TUSC3: variants seen among roughly 807,000 people sequenced by gnomAD.
The protein encoded by TUSC3 is dolichyl-diphosphooligosaccharide--protein glycosyltransferase subunit TUSC3.
Under a neutral mutation model 44.8 loss-of-function variants are expected in TUSC3, and 45 were observed. That is an observed-to-expected ratio of 1.00 (90% confidence interval 0.79 to 1.29). The LOEUF is 1.29. TUSC3 is among the 50% of genes most tolerant of loss of function. The pLI is 0.00. For missense variants in TUSC3, 519 were observed against 437.9 expected (o/e 1.19, Z -1.65); for synonymous variants, 212 against 152.9 (o/e 1.39, Z -2.85).
At chr8:15,744,187 C>A (rs961957553) in intron 8 of TUSC3, among the ~76,000 whole-genome samples, 1 of 152,086 alleles carries the variant, frequency 6.6e-6, no homozygotes, top group Non-Finnish European at 1.5e-5. Flanking sequence ...TCAAGTTCTC[C>A]GGCATTATGT....
upstream of TUSC3, chr8:15,540,167 G>A (rs535873853): frequency 2.4e-6 from 1 of 421,906 alleles, no homozygotes. Context: ...GGGAGCGCAC[G>A]CCGCGCCCCC....
chr8:15,568,437 T>G (rs1802753138), intron 1 of TUSC3, among the ~76,000 whole-genome samples: 1 of 152,128 alleles, frequency 6.6e-6, no homozygotes. Context: ...CAAATTTATC[T>G]TCATACCTTA....
At chr8:15,522,541 C>CTT (rs78939124) in intron 2 of TUSC3, among the ~76,000 whole-genome samples, 3 of 141,436 alleles carry the variant, frequency 2.1e-5, no homozygotes, top group Non-Finnish European at 3.1e-5. Flanking sequence ...CCTATTCAGC[C>CTT]TTTTTTTTTT....
At chr8:15,754,973 T>C in intron 9 of TUSC3, among the ~76,000 whole-genome samples, 1 of 152,224 alleles carries the variant, frequency 6.6e-6, no homozygotes, top group African/African-American at 2.4e-5. Context: ...ACTTTCAAAA[T>C]TGTTGTTTTC....
intron 1 of TUSC3, among the ~76,000 whole-genome samples, chr8:15,424,450 A>C (rs1799779634): frequency 6.6e-6 from 1 of 152,174 alleles, no homozygotes. Flanking sequence ...ACTGACTAAT[A>C]ACTCACAAAA....
intron 1 of TUSC3, among the ~76,000 whole-genome samples, chr8:15,582,731 C>A (rs370467863): frequency 6.6e-6 from 1 of 152,162 alleles, no homozygotes; most frequent in Non-Finnish European, 1.5e-5. Context: ...TAACCTGAAA[C>A]CAGTTTTATC....
chr8:15,793,328 G>C, the TUSC3 span, among the ~76,000 whole-genome samples: 2 of 152,068 alleles, frequency 1.3e-5, no homozygotes, highest in African/African-American at 4.8e-5. Context: ...CTCAGTATTT[G>C]CATGACCTTA....
intron 8 of TUSC3, among the ~76,000 whole-genome samples, chr8:15,745,689 A>G (rs186173110): frequency 6.7e-6 from 1 of 149,554 alleles, no homozygotes; most frequent in East Asian, 2.0e-4. Context: ...GATTCTGGAT[A>G]CTAGATGTTT....
intron 2 of TUSC3, among the ~76,000 whole-genome samples, chr8:15,647,872 C>G (rs1194350305): frequency 6.6e-6 from 1 of 152,060 alleles, no homozygotes; most frequent in African/African-American, 2.4e-5. Context: ...TCAGTCCATT[C>G]CCAATCTCAT....
chr8:15,469,607 C>G (rs1460900326), intron 1 of TUSC3, among the ~76,000 whole-genome samples: 1 of 152,172 alleles, frequency 6.6e-6, no homozygotes, highest in Non-Finnish European at 1.5e-5. Flanking sequence ...TAAAATTAAA[C>G]ATATTCTTAC....
chr8:15,793,826 C>T, the TUSC3 span, among the ~76,000 whole-genome samples: 1 of 152,140 alleles, frequency 6.6e-6, no homozygotes, highest in Non-Finnish European at 1.5e-5. Flanking sequence ...TGCATGCAAG[C>T]ATAACTAGTC....
intron 1 of TUSC3, among the ~76,000 whole-genome samples, chr8:15,589,071 G>T (rs903943014): frequency 2.0e-5 from 3 of 152,042 alleles, no homozygotes; most frequent in African/African-American, 7.2e-5. Context: ...GACTTTCTTT[G>T]TCTCTTCTTA....
At chr8:15,722,680 A>G (rs1322498447) in intron 6 of TUSC3, among the ~76,000 whole-genome samples, 1 of 152,124 alleles carries the variant, frequency 6.6e-6, no homozygotes, top group Non-Finnish European at 1.5e-5. Flanking sequence ...AACTTGCCAC[A>G]GCTCTCTATA....
Position 15,423,968 on chromosome 8 carries a change from T to G in TUSC3, n.91+6663T>G, listed in dbSNP as rs1799770757. 4.6e-5 allele frequency among the ~76,000 whole-genome samples: 3 copies of G among 64,960 alleles called. 1 individual carries two copies. The highest frequency in any genetic ancestry group is 1.5e-4 in the African/African-American group (2 of 13,044). 42.6% of individuals were successfully genotyped at this position (64,960 alleles called of 152,430 possible). A position where few individuals can be genotyped will look rare whatever the true frequency, so the allele number is the denominator to read the frequency against. ...TTACAGCATTCATACTGTTTTGCTT[T>G]GTTTTTTTTTTTTTTTTTTTTTTTT... On this transcript the variant is annotated intron_variant and non_coding_transcript_variant, in intron 1 of 5. Transcript: ENST00000503191.
intron 1 of TUSC3, among the ~76,000 whole-genome samples, chr8:15,570,916 C>G (rs55881227): frequency 0.056 from 6,571 of 117,104 alleles, 406 homozygotes; most frequent in African/African-American, 0.16. Context: ...TATATTAAAA[C>G]ATTTTGCAAA....
At chr8:15,529,600 C>A (rs1210828418) in intron 2 of TUSC3, among the ~76,000 whole-genome samples, 3 of 151,832 alleles carry the variant, frequency 2.0e-5, no homozygotes, top group Non-Finnish European at 4.4e-5. Flanking sequence ...TTGAAAAATA[C>A]TAACATTACT....
At chr8:15,455,497 A>G (rs963284451) in intron 1 of TUSC3, among the ~76,000 whole-genome samples, 1 of 152,200 alleles carries the variant, frequency 6.6e-6, no homozygotes, top group Non-Finnish European at 1.5e-5. Flanking sequence ...ACATACCTAT[A>G]GACATGTATA....
At chr8:15,528,554 C>G (rs1448546184) in intron 2 of TUSC3, among the ~76,000 whole-genome samples, 1 of 152,192 alleles carries the variant, frequency 6.6e-6, no homozygotes, top group Non-Finnish European at 1.5e-5. Flanking sequence ...TCCAAGTTCA[C>G]ACAATTTGTT....
At chr8:15,628,151 TA>T (rs946604013) in intron 2 of TUSC3, among the ~76,000 whole-genome samples, 38 of 152,212 alleles carry the variant, frequency 2.5e-4, no homozygotes, top group African/African-American at 9.2e-4. Flanking sequence ...TTTTTGTTCC[TA>T]AAAACTGAAT....
Sources: allele counts gnomAD v4.1 joint callset (sites outside exome capture counted in the v4.1 genomes callset), GRCh38; gene constraint gnomAD v4.1.1; transcripts MANE v1.5; gene names NCBI Gene and HGNC (gene_info 2026-07-23, HGNC 2026-07-21).